Variants in KLHL38 observed in about 807,000 individuals in gnomAD.
The protein encoded by KLHL38 is kelch like family member 38.
A neutral mutation model predicts 39.6 loss-of-function variants in KLHL38; 38 were observed. The observed-to-expected ratio is 0.96, with a 90% CI of 0.74 to 1.26. The LOEUF is 1.26. Among genes scored for constraint, KLHL38 ranks in the 50% most tolerant of loss-of-function variants. The probability of loss-of-function intolerance (pLI) is 0.00; values close to 1 mark genes in which losing one functional copy is unlikely to be tolerated. For synonymous variants in KLHL38, 322 were observed against 302.2 expected (o/e 1.07, Z -0.68); for missense variants, 803 against 748.1 (o/e 1.07, Z -0.86).
intron 2 of KLHL38, among the ~76,000 whole-genome samples, chr8:123,650,443 GC>G (rs1367196588): frequency 1.2e-4 from 18 of 152,270 alleles, no homozygotes. Flanking sequence ...TCCCGCCTGT[GC>G]TCTTAGAGCA....
rs191683207 is a variant in KLHL38 at position 123,648,166 on chromosome 8, A to T, written c.1351-1152T>A. Among the ~76,000 whole-genome samples the T allele has an allele frequency of 3.7e-4, 56 of 152,346 alleles. No homozygotes were observed. In the East Asian group the frequency reaches 9.6e-3, roughly 26 times the overall value. ...TAAATTTGATCTTCATAACCATCCT[A>T]TGAGGTAGGTATTATTATTTCTTCC... On this transcript the variant is annotated intron_variant, in intron 2 of 3. Coordinates refer to ENST00000684634, the MANE Select transcript of KLHL38 (RefSeq NM_001081675.3).
chr8:123,647,952 A>G (rs1481815006), intron 2 of KLHL38, among the ~76,000 whole-genome samples: 2 of 152,160 alleles, frequency 1.3e-5, no homozygotes, highest in Admixed American at 1.3e-4. Context: ...GTGGTAGTGC[A>G]TGCCTGTAGT....
rs772515615 is a variant in KLHL38 at position 123,651,971 on chromosome 8, G to A, written c.956C>T (p.Pro319Leu). Residue 319 changes from proline (P) to leucine (L), a missense_variant, in exon 2 of 4, where the codon CCG becomes CTG. Physicochemically the swap from Pro to Leu is moderately conservative, Grantham distance 98. Coordinates refer to ENST00000684634, the MANE Select transcript of KLHL38 (RefSeq NM_001081675.3). ...GGCAGAGGCCTTGTACAGCCGTGTC[G>A]GGAGTTTGGCAAGGCTCTGCCATTG... ...TGQWQSLAKL[P>L]TRLYKASAIT... 21 of 1,614,104 alleles carry A rather than the reference G, an allele frequency of 1.3e-5. No homozygotes were observed. The highest frequency in any genetic ancestry group is 5.5e-5 in the South Asian group (5 of 91,090).
intron 2 of KLHL38, among the ~76,000 whole-genome samples, chr8:123,650,446 C>G (rs1288078388): frequency 6.6e-6 from 1 of 152,188 alleles, no homozygotes; most frequent in African/African-American, 2.4e-5. Context: ...CGCCTGTGCT[C>G]TTAGAGCACC....
Position 123,652,791 on chromosome 8 carries a change from G to A in KLHL38, c.136C>T (p.Pro46Ser), listed in dbSNP as rs779299751. ...VSICAGAREIPCHRNVLASSS... is the reference protein window; with the variant it reads ...VSICAGAREISCHRNVLASSS... Reference sequence around the variant, plus strand: ...GAGGCCAGCACGTTGCGGTGGCAGGGGATCTCCCGGGCACCGGCACAGATG... The same window carrying A: ...GAGGCCAGCACGTTGCGGTGGCAGGAGATCTCCCGGGCACCGGCACAGATG... The change falls in exon 2 of 4, where the codon CCC (proline) becomes TCC (serine). Residue 46 changes from proline to serine, a missense_variant. Coordinates refer to ENST00000684634, the MANE Select transcript of KLHL38 (RefSeq NM_001081675.3). The A allele has an allele frequency of 2.5e-6, 4 of 1,614,002 alleles. No homozygotes were observed. The highest frequency in any genetic ancestry group is 1.1e-5 in the South Asian group (1 of 91,080).
chr8:123,649,794 G>A (rs1475825228), intron 2 of KLHL38, among the ~76,000 whole-genome samples: 2 of 152,130 alleles, frequency 1.3e-5, no homozygotes, highest in African/African-American at 4.8e-5. Flanking sequence ...GAGATTGCAT[G>A]AGGACTGATG....
rs1027951264 is a variant in KLHL38 at position 123,653,637 on chromosome 8, G to A, written c.-53C>T. On this transcript the variant is annotated 5_prime_UTR_variant, in exon 1 of 4. Transcript: ENST00000684634. ...GGTGCCTGGTCTGACTTATCCCCCC[G>A]GAGAGTTTCTACCTCTAGCTCCAAG... Among the ~76,000 whole-genome samples the A allele has an allele frequency of 9.2e-5, 14 of 152,134 alleles. No homozygotes were observed. Among genetic ancestry groups the A allele is most frequent in the African/African-American group, 3.4e-4 (14 of 41,424 alleles).
rs1392958369 is a variant in KLHL38, at chr8:123,646,047, A to G, written c.1457-19T>C. 5.0e-6 allele frequency: 8 copies of G among 1,610,904 alleles called. No individual in the cohort carries two copies. The highest frequency in any genetic ancestry group is 6.8e-6 in the Non-Finnish European group (8 of 1,177,154). On this transcript the variant is annotated intron_variant, in intron 3 of 3. Transcript: ENST00000684634. ...GTGTAACCTGAAAACCAAATGACAC[A>G]TGGGCAAGCTCAGTGTTGCTCATCT... is the stretch of plus-strand genomic sequence containing the variant.
chr8:123,650,933 C>A (rs1350788033), intron 2 of KLHL38, among the ~76,000 whole-genome samples: 2 of 152,184 alleles, frequency 1.3e-5, no homozygotes, highest in African/African-American at 4.8e-5. Flanking sequence ...TTAGAAGCAC[C>A]TGCCAAATTC....
At chr8:123,646,415 G>T (rs1563591713) in intron 3 of KLHL38, among the ~76,000 whole-genome samples, 1 of 152,144 alleles carries the variant, frequency 6.6e-6, no homozygotes, top group Non-Finnish European at 1.5e-5. Flanking sequence ...TTACTTTTAG[G>T]ATCCTCGTTT....
In KLHL38 at chr8:123,652,458, C is replaced by T. The variant is rs768528096; in HGVS notation, c.469G>A (p.Glu157Lys). 1.1e-5 allele frequency: 18 copies of T among 1,614,092 alleles called. No individual in the cohort carries two copies. Among genetic ancestry groups the T allele is most frequent in the Non-Finnish European group, 1.4e-5 (16 of 1,180,060 alleles). The change falls in exon 2 of 4, where the codon GAG becomes AAG. Residue 157 changes from glutamate (E) to lysine (K), a missense_variant. Glu to Lys is a moderately conservative substitution (Grantham distance 56). Transcript: ENST00000684634. Reference sequence around the variant, plus strand: ...TCTGGGAAGGACGTCAGTGCCACCTCCCTGGCTTTCTTCTTGAGGGTCTCG... The same window carrying T: ...TCTGGGAAGGACGTCAGTGCCACCTTCCTGGCTTTCTTCTTGAGGGTCTCG... ...SCETLKKKAREVALTSFPEVA... is the reference protein window; with the variant it reads ...SCETLKKKARKVALTSFPEVA...
At chr8:123,653,000 C>A in intron 1 of KLHL38, 73 bp from the exon 2 acceptor site, 1 of 1,458,848 alleles carries the variant, frequency 6.9e-7, no homozygotes, top group South Asian at 1.4e-5. Flanking sequence ...CTGGAGGGTT[C>A]AGCTGTGGGG....
At position 123,652,042 on chromosome 8, in the gene KLHL38, G is replaced by A. The variant is rs1384286143; in HGVS notation, c.885C>T (p.Ser295=). ...GTAGGACGTCCCTGGTGGTCTGCTGGCTGTCCTTCCTTCCGCCCAAGAGGA... is the reference window on the plus strand; with the variant it reads ...GTAGGACGTCCCTGGTGGTCTGCTGACTGTCCTTCCTTCCGCCCAAGAGGA... ...FLILLGGRKD[S]QQTTRDVLLY... Residue 295 remains serine, a synonymous_variant, in exon 2 of 4, where the codon AGC becomes AGT. Coordinates refer to ENST00000684634, the MANE Select transcript of KLHL38 (RefSeq NM_001081675.3). The A allele has an allele frequency of 2.5e-6, 4 of 1,614,222 alleles. No individual in the cohort carries two copies. The highest frequency in any genetic ancestry group is 3.4e-6 in the Non-Finnish European group (4 of 1,180,042).
chr8:123,652,517 A>C lies in KLHL38; in HGVS notation c.410T>G (p.Leu137Arg). 1 of 1,614,206 alleles carries C rather than the reference A, an allele frequency of 6.2e-7. No individual in the cohort carries two copies. Among genetic ancestry groups the C allele is most frequent in the Non-Finnish European group, 8.5e-7 (1 of 1,180,034 alleles). The change falls in exon 2 of 4, where the codon CTG becomes CGG. Residue 137 changes from leucine to arginine, a missense_variant. By Grantham distance (102) the Leu-to-Arg change is moderately radical. Transcript: ENST00000684634. ...LQSQLAPSNC[L>R]GMIRLSEILS... ...GATTTCTGAGAGTCTGATCATACCC[A>C]GGCAGTTGCTGGGGGCCAACTGGCT...
rs373810829 is a variant in KLHL38, at chr8:123,651,859, G to A, written c.1068C>T (p.Phe356=). The A allele has an allele frequency of 4.3e-6, 7 of 1,614,082 alleles. No individual in the cohort carries two copies. In the African/African-American group the frequency reaches 9.3e-5, roughly 22 times the overall value. The change falls in exon 2 of 4, where the codon TTC becomes TTT. Residue 356 remains phenylalanine, a synonymous_variant. Coordinates refer to ENST00000684634, the MANE Select transcript of KLHL38 (RefSeq NM_001081675.3). Reference sequence around the variant, plus strand: ...GCCTCCACTGATTGAGTTTCAGGGAGAAGATGTAGACATTGTGACTGACCA... The same window carrying A: ...GCCTCCACTGATTGAGTTTCAGGGAAAAGATGTAGACATTGTGACTGACCA... ...RSLVSHNVYI[F]SLKLNQWRLG...
chr8:123,646,036 C>G lies in KLHL38; in HGVS notation c.1457-8G>C, dbSNP rs2129738066. 3.1e-6 allele frequency: 5 copies of G among 1,613,256 alleles called. No homozygotes were observed. The highest frequency in any genetic ancestry group is 4.2e-6 in the Non-Finnish European group (5 of 1,179,248). On this transcript the variant is annotated splice_polypyrimidine_tract_variant and splice_region_variant and intron_variant, in intron 3 of 3. Transcript: ENST00000684634. ...GAATCCTCCTTGTGTAACCTGAAAA[C>G]CAAATGACACATGGGCAAGCTCAGT...
Position 123,645,839 on chromosome 8 carries a change from T to C in KLHL38, c.1646A>G (p.Glu549Gly). ...DSASFDCYDPETDTWTSQGQL... is the reference protein window; with the variant it reads ...DSASFDCYDPGTDTWTSQGQL... ...TCCCTGGGATGTCCAGGTGTCCGTC[T>C]CGGGGTCGTAGCAATCGAAGGAGGC... The change falls in exon 4 of 4, where the codon GAG becomes GGG. Residue 549 changes from glutamate to glycine, a missense_variant. Glu to Gly is a moderately conservative substitution (Grantham distance 98). Transcript: ENST00000684634. 6.2e-7 allele frequency: 1 copy of C among 1,613,854 alleles called. No homozygotes were observed. The highest frequency in any genetic ancestry group is 8.5e-7 in the Non-Finnish European group (1 of 1,179,954).
rs780659218 is a variant in KLHL38 at position 123,652,717 on chromosome 8, C to T, written c.210G>A (p.Lys70=). ...CTTTCAGCTGCACTTTGGCTTCACTCTTCTCCCGGAAGCTGCTGCAGAACA... is the reference window on the plus strand; with the variant it reads ...CTTTCAGCTGCACTTTGGCTTCACTTTTCTCCCGGAAGCTGCTGCAGAACA... ...RAMFCSSFRE[K]SEAKVQLKGI... Residue 70 remains lysine, a synonymous_variant, in exon 2 of 4, where the codon AAG becomes AAA. Coordinates refer to ENST00000684634, the MANE Select transcript of KLHL38 (RefSeq NM_001081675.3). The T allele has an allele frequency of 3.7e-6, 6 of 1,614,084 alleles. No homozygotes were observed. In the Admixed American group the frequency reaches 5.0e-5, roughly 13 times the overall value.
chr8:123,645,755 G>T lies in KLHL38; in HGVS notation c.1730C>A (p.Thr577Lys), dbSNP rs759658521. 3 of 1,613,766 alleles carry T rather than the reference G, an allele frequency of 1.9e-6. No individual in the cohort carries two copies. The highest frequency in any genetic ancestry group is 2.2e-5 in the East Asian group (1 of 44,854). Residue 577 changes from threonine to lysine, a missense_variant, in exon 4 of 4, where the codon ACG becomes AAG. Transcript: ENST00000684634. ...TTGTCGACCTCATGGGAGGCCAGACGTGCGGGGTATGCACTGGAGAGTGAG... is the reference window on the plus strand; with the variant it reads ...TTGTCGACCTCATGGGAGGCCAGACTTGCGGGGTATGCACTGGAGAGTGAG... ...ACLTLQCIPR[T>K]SGLP is the part of the protein sequence containing the mutation.
Sources: allele counts gnomAD v4.1 joint callset (sites outside exome capture counted in the v4.1 genomes callset), GRCh38; gene constraint gnomAD v4.1.1; transcripts MANE v1.5; gene names NCBI Gene and HGNC (gene_info 2026-07-23, HGNC 2026-07-21).